Variants in GNPAT observed in about 807,000 individuals in gnomAD.
The protein encoded by GNPAT is dihydroxyacetone phosphate acyltransferase.
In GNPAT, 30 loss-of-function variants were observed where a neutral mutation model predicts 78.4. The observed-to-expected ratio is 0.38, with a 90% CI of 0.29 to 0.52. GNPAT has a LOEUF of 0.52. Among genes scored for constraint, GNPAT ranks in the 20% least tolerant of loss-of-function variants. The pLI, the probability that GNPAT is intolerant of heterozygous loss-of-function variation, is 0.84. For synonymous variants in GNPAT, 271 were observed against 281.1 expected, an observed-to-expected ratio of 0.96 and a Z score of 0.36; for missense variants, 714 against 812.2, an observed-to-expected ratio of 0.88 and a Z score of 1.47.
chr1:231,252,739 T>TA (rs781752212), intron 2 of GNPAT, among the ~76,000 whole-genome samples: 10 of 152,148 alleles, frequency 6.6e-5, no homozygotes, highest in Non-Finnish European at 1.3e-4. Context: ...ATAAATGTCT[T>TA]AAAGGAAAAC....
Position 231,275,391 on chromosome 1 carries a change from A to G in GNPAT, c.1844-14A>G. 3.2e-6 allele frequency: 5 copies of G among 1,584,774 alleles called. No individual in the cohort carries two copies. The highest frequency in any genetic ancestry group is 1.7e-4 in the Middle Eastern group (1 of 6,008). ...GAAACTGGTCAACTAACTCTTCCTC[A>G]CCCCCAATTTTAGGTACCTCTCAAT... On this transcript the variant is annotated splice_polypyrimidine_tract_variant and intron_variant, in intron 13 of 15. Coordinates refer to ENST00000366647, the MANE Select transcript of GNPAT (RefSeq NM_014236.4).
At position 231,262,718 on chromosome 1, in the gene GNPAT, T is replaced by G. The variant is rs764975567; in HGVS notation, c.439-5T>G. 1 of 1,606,226 alleles carries G rather than the reference T, an allele frequency of 6.2e-7. No homozygotes were observed. The highest frequency in any genetic ancestry group is 8.5e-7 in the Non-Finnish European group (1 of 1,172,980). ...ATTATTCAAAATGTAACATTTACTT[T>G]CAAGCTACAAAGAGCCATCCAGGAG... On this transcript the variant is annotated splice_polypyrimidine_tract_variant and splice_region_variant and intron_variant, in intron 3 of 15. Coordinates refer to ENST00000366647, the MANE Select transcript of GNPAT (RefSeq NM_014236.4).
intron 11 of GNPAT, among the ~76,000 whole-genome samples, chr1:231,273,345 G>C (rs774937479): frequency 6.8e-6 from 1 of 147,548 alleles, no homozygotes; most frequent in Non-Finnish European, 1.5e-5. Flanking sequence ...TCTGCCTCCC[G>C]GGTTCACTCC....
chr1:231,277,768 A>G lies in GNPAT; in HGVS notation c.*226A>G. ...TATCTGACACTATGTGTGTGTTTTA[A>G]AATAAACTTTTGGAAACATGTTTGG... On this transcript the variant is annotated 3_prime_UTR_variant, in exon 16 of 16. Transcript: ENST00000366647. 2 of 500,694 alleles carry G rather than the reference A, an allele frequency of 4.0e-6. No individual in the cohort carries two copies. The highest frequency in any genetic ancestry group is 5.5e-5 in the South Asian group (2 of 36,310). 31.0% of individuals were successfully genotyped at this position (500,694 alleles called of 1,614,324 possible).
chr1:231,242,271 G>A (rs1684633138), intron 1 of GNPAT, among the ~76,000 whole-genome samples: 1 of 152,148 alleles, frequency 6.6e-6, no homozygotes, highest in Non-Finnish European at 1.5e-5. Context: ...GCTACTTTAG[G>A]AGAAAATGAA....
In GNPAT at chr1:231,250,395, G is replaced by A. The variant is rs1684860889; in HGVS notation, c.79-566G>A. Reference sequence around the variant, plus strand: ...TAGTGAGCTATATAATGGTGGCACTGTACTCCAGCCTGAGCAAGAGAATAA... The same window carrying A: ...TAGTGAGCTATATAATGGTGGCACTATACTCCAGCCTGAGCAAGAGAATAA... On this transcript the variant is annotated intron_variant, in intron 1 of 15. Transcript: ENST00000366647. Among the ~76,000 whole-genome samples the A allele has an allele frequency of 2.0e-5, 3 of 152,218 alleles. No individual in the cohort carries two copies. The South Asian group carries it at 6.2e-4, about 32-fold the overall frequency.
intron 11 of GNPAT, 84 bp downstream of exon 11, chr1:231,272,475 G>T: frequency 1.3e-6 from 1 of 788,736 alleles, no homozygotes. Context: ...TGTGTCTCAG[G>T]CAGTGTGCCA....
At chr1:231,274,883 A>G in intron 12 of GNPAT, 1 of 306,758 alleles carries the variant, frequency 3.3e-6, no homozygotes, top group Non-Finnish European at 6.2e-6. Context: ...ATTTAGAGAA[A>G]AAAAGCAAAG....
At chr1:231,263,835 A>G (rs1025070704) in intron 4 of GNPAT, among the ~76,000 whole-genome samples, 6 of 152,076 alleles carry the variant, frequency 3.9e-5, no homozygotes, top group African/African-American at 1.5e-4. Context: ...GCATTTCCCT[A>G]ATGATTAGTG....
Position 231,251,045 on chromosome 1 carries a change from T to A in GNPAT, c.163T>A (p.Tyr55Asn). The A allele has an allele frequency of 6.3e-7, 1 of 1,596,674 alleles. No individual in the cohort carries two copies. The highest frequency in any genetic ancestry group is 8.6e-7 in the Non-Finnish European group (1 of 1,164,068). The change falls in exon 2 of 16, where the codon TAC becomes AAC. Residue 55 changes from tyrosine to asparagine, a missense_variant. Tyr to Asn is a moderately radical substitution (Grantham distance 143). Coordinates refer to ENST00000366647, the MANE Select transcript of GNPAT (RefSeq NM_014236.4). ...VSDLKFAMKC[Y>N]TPLVYKGITP... Reference sequence around the variant, plus strand: ...TGACTTGAAATTTGCAATGAAATGCTACACACCTCTTGTCTATAAGGGAAT... The same window carrying A: ...TGACTTGAAATTTGCAATGAAATGCAACACACCTCTTGTCTATAAGGGAAT...
chr1:231,268,824 T>G (rs1304528534), intron 9 of GNPAT, among the ~76,000 whole-genome samples: 1 of 151,032 alleles, frequency 6.6e-6, no homozygotes, highest in Non-Finnish European at 1.5e-5. Context: ...GAAAATTGCT[T>G]GAACCTGGGA....
At chr1:231,258,935 C>T (rs1297244474) in intron 2 of GNPAT, among the ~76,000 whole-genome samples, 1 of 151,962 alleles carries the variant, frequency 6.6e-6, no homozygotes, top group African/African-American at 2.4e-5. Context: ...CCACGCCCAG[C>T]CAACACAATT....
At chr1:231,242,082 C>T (rs1228728825) in intron 1 of GNPAT, among the ~76,000 whole-genome samples, 4 of 152,176 alleles carry the variant, frequency 2.6e-5, no homozygotes, top group African/African-American at 9.7e-5. Flanking sequence ...TTCCTCCAAC[C>T]CCCTCTTCCT....
chr1:231,267,169 C>T (rs909354933), intron 8 of GNPAT, among the ~76,000 whole-genome samples: 9 of 152,218 alleles, frequency 5.9e-5, no homozygotes, highest in African/African-American at 2.4e-5. Context: ...ATTTTTAGGT[C>T]ATGTGTGTAT....
Position 231,260,567 on chromosome 1 carries a change from G to A in GNPAT, c.322G>A (p.Asp108Asn). The A allele has an allele frequency of 1.2e-6, 2 of 1,611,050 alleles. No homozygotes were observed. The highest frequency in any genetic ancestry group is 1.7e-6 in the Non-Finnish European group (2 of 1,177,284). Reference sequence around the variant, plus strand: ...CCGAGAGGAAGTGAGTGAGATCTTAGATGAAATGAGTCACAAACTGCGTCT... The same window carrying A: ...CCGAGAGGAAGTGAGTGAGATCTTAAATGAAATGAGTCACAAACTGCGTCT... The part of the protein sequence containing the change: ...VLREEVSEIL[D>N]EMSHKLRLGA... Residue 108 changes from aspartate to asparagine, a missense_variant, in exon 3 of 16, where the codon GAT (aspartate) becomes AAT (asparagine). By Grantham distance (23) the Asp-to-Asn change is conservative. Coordinates refer to ENST00000366647, the MANE Select transcript of GNPAT (RefSeq NM_014236.4).
intron 10 of GNPAT, 97 bp from the exon 11 acceptor site, chr1:231,272,215 G>T: frequency 1.4e-6 from 1 of 730,984 alleles, no homozygotes; most frequent in Non-Finnish European, 2.6e-6. Context: ...AATAAAATAT[G>T]CCTTTGAAAT....
At chr1:231,242,838 G>T (rs11122257) in intron 1 of GNPAT, among the ~76,000 whole-genome samples, 83,584 of 152,112 alleles carry the variant, frequency 0.55, 23,167 homozygotes, top group South Asian at 0.63. Flanking sequence ...AACTATGGCA[G>T]TTGTATCTGA....
chr1:231,256,708 G>A (rs1685078005), intron 2 of GNPAT, among the ~76,000 whole-genome samples: 2 of 151,820 alleles, frequency 1.3e-5, no homozygotes, highest in Non-Finnish European at 2.9e-5. Context: ...GGATGGTCTC[G>A]ATCTCCTGAC....
At chr1:231,247,491 T>A (rs542005764) in intron 1 of GNPAT, among the ~76,000 whole-genome samples, 3 of 152,298 alleles carry the variant, frequency 2.0e-5, no homozygotes, top group Admixed American at 6.5e-5. Flanking sequence ...GATGACCTGT[T>A]CAATCTAGGT....
Sources: gnomAD v4.1 joint callset for allele counts (sites outside exome capture counted in the v4.1 genomes callset) on GRCh38, gnomAD v4.1.1 for gene constraint, MANE v1.5 for transcripts, NCBI Gene and HGNC (gene_info 2026-07-23, HGNC 2026-07-21) for gene names.